CDH26: variants seen among roughly 807,000 people sequenced by gnomAD.
CDH26 encodes cadherin 26, also known as cadherin-like protein 26.
In CDH26, 83 loss-of-function variants were observed where a neutral mutation model predicts 90.3. The observed-to-expected ratio is 0.92, with a 90% CI of 0.77 to 1.10. The LOEUF (loss-of-function observed/expected upper bound fraction) is 1.10, where lower values mean the gene tolerates loss of function less well. Ranked by LOEUF, CDH26 falls within the 50% of genes least tolerant of loss-of-function variation. The pLI is 0.00. For synonymous variants in CDH26, 397 were observed against 396.3 expected (o/e 1.00, Z -0.02); for missense variants, 1,013 against 1,037.6 (o/e 0.98, Z 0.33).
chr20:60,035,378 C>A (rs1045926334), downstream of CDH26, among the ~76,000 whole-genome samples: 1 of 152,224 alleles, frequency 6.6e-6, no homozygotes, highest in African/African-American at 2.4e-5. Context: ...TGTTTTCCAA[C>A]ATTCCCACCA....
chr20:59,959,611 G>A (rs2061041666), intron 1 of CDH26, among the ~76,000 whole-genome samples: 2 of 152,088 alleles, frequency 1.3e-5, no homozygotes, highest in Non-Finnish European at 2.9e-5. Flanking sequence ...TGTTGGCCAG[G>A]CTGGTCTCAA....
intron 7 of CDH26, among the ~76,000 whole-genome samples, chr20:60,019,769 G>A (rs1203226037): frequency 1.3e-5 from 2 of 152,146 alleles, no homozygotes; most frequent in South Asian, 2.1e-4. Context: ...TTCCTTGCCT[G>A]TTTTGTGTTT....
chr20:59,996,850 C>T, intron 13 of CDH26, 89 bp downstream of exon 13: 5 of 1,526,460 alleles, frequency 3.3e-6, no homozygotes, highest in South Asian at 2.4e-5. Flanking sequence ...ATTGTGCCAC[C>T]TCTTAATTCT....
intron 12 of CDH26, 57 bp downstream of exon 12, chr20:59,996,111 C>A: frequency 6.4e-7 from 1 of 1,553,030 alleles, no homozygotes; most frequent in Non-Finnish European, 8.8e-7. Flanking sequence ...GGCAATAGGC[C>A]AGGGGTAAGG....
chr20:59,984,576 C>A, intron 5 of CDH26, 63 bp from the exon 6 acceptor site: 1 of 1,373,148 alleles, frequency 7.3e-7, no homozygotes, highest in Non-Finnish European at 1.0e-6. Flanking sequence ...AATAATTCAT[C>A]CTCTTACTGG....
intron 4 of CDH26, among the ~76,000 whole-genome samples, chr20:59,982,163 A>G (rs900018807): frequency 6.6e-6 from 1 of 152,092 alleles, no homozygotes; most frequent in African/African-American, 2.4e-5. Context: ...ATTTTCCCTC[A>G]TCAGTCCCCC....
At chr20:60,002,469 T>G (rs1319130357) in intron 15 of CDH26, among the ~76,000 whole-genome samples, 1 of 152,020 alleles carries the variant, frequency 6.6e-6, no homozygotes, top group Non-Finnish European at 1.5e-5. Context: ...CCCCCAACTT[T>G]CATCTTGCAC....
At chr20:59,965,472 A>G (rs558744745) in intron 1 of CDH26, among the ~76,000 whole-genome samples, 1 of 152,354 alleles carries the variant, frequency 6.6e-6, no homozygotes, top group Non-Finnish European at 1.5e-5. Context: ...TAAAAATAGC[A>G]CATATTTTGG....
chr20:59,959,149 G>A (rs1237316837), intron 1 of CDH26, among the ~76,000 whole-genome samples: 11 of 152,114 alleles, frequency 7.2e-5, no homozygotes, highest in Admixed American at 7.2e-4. Flanking sequence ...CATCCAGGCT[G>A]GAGTGCAGTG....
At position 59,992,312 on chromosome 20, in the gene CDH26, C is replaced by T. The variant is rs1416618922; in HGVS notation, c.1284-66C>T. The T allele has an allele frequency of 1.1e-5, 16 of 1,506,258 alleles. No homozygotes were observed. The highest frequency in any genetic ancestry group is 2.2e-5 in the Admixed American group (1 of 44,888). The allele number at this position is 1,506,258 out of a possible 1,614,324, so 93.3% of individuals were successfully genotyped here. ...CTATGACATATTTTGTTTTTTTATGCAACTTTTTTATCTTTTAATGTAAGT... is the reference window on the plus strand; with the variant it reads ...CTATGACATATTTTGTTTTTTTATGTAACTTTTTTATCTTTTAATGTAAGT... On this transcript the variant is annotated intron_variant, in intron 9 of 17. Coordinates refer to ENST00000348616, the MANE Select transcript of CDH26 (RefSeq NM_177980.4). This position sits in a 1 kb window ranked among gnomAD's most constrained non-coding sequence, Gnocchi z 5.0.
At chr20:59,959,363 G>T (rs1475700457) in intron 1 of CDH26, among the ~76,000 whole-genome samples, 1 of 151,046 alleles carries the variant, frequency 6.6e-6, no homozygotes, top group Non-Finnish European at 1.5e-5. Flanking sequence ...CCCTTCCGAA[G>T]TGTTGGGTTT....
In CDH26 at chr20:59,999,608, A is replaced by G. The variant is rs1441305310; in HGVS notation, c.2042A>G (p.Gln681Arg). Residue 681 changes from glutamine to arginine, a missense_variant, in exon 14 of 18, where the codon CAG becomes CGG. Coordinates refer to ENST00000348616, the MANE Select transcript of CDH26 (RefSeq NM_177980.4). Reference protein sequence around the residue: ...SAQTWSDVEGQRPALLICTAA... With the variant: ...SAQTWSDVEGRRPALLICTAA... ...CAGACATGGTCAGATGTTGAAGGCCAGAGGCCGGCTCTGCTCATCTGCACA... is the reference window on the plus strand; with the variant it reads ...CAGACATGGTCAGATGTTGAAGGCCGGAGGCCGGCTCTGCTCATCTGCACA... 2.5e-6 allele frequency: 4 copies of G among 1,614,062 alleles called. No individual in the cohort carries two copies. The highest frequency in any genetic ancestry group is 2.5e-6 in the Non-Finnish European group (3 of 1,180,014).
chr20:59,961,192 C>T (rs1024985126), intron 1 of CDH26, among the ~76,000 whole-genome samples: 2 of 152,146 alleles, frequency 1.3e-5, no homozygotes, highest in Non-Finnish European at 2.9e-5. Context: ...CTCACTCCTG[C>T]TCCTACCCAC....
intron 13 of CDH26, 114 bp downstream of exon 13, chr20:59,996,875 G>C: frequency 7.2e-7 from 1 of 1,382,232 alleles, no homozygotes; most frequent in Non-Finnish European, 9.9e-7. Context: ...TCTTACCCGT[G>C]TTTCAGTAGC....
In CDH26 at chr20:60,012,911, C is replaced by A. The variant is rs2061867299; in HGVS notation, c.*181C>A. Reference sequence around the variant, plus strand: ...ATATTCTCAGATCAGCCATCTTGAACCAAAGCAAAACCACAAGTTACACTT... The same window carrying A: ...ATATTCTCAGATCAGCCATCTTGAAACAAAGCAAAACCACAAGTTACACTT... On this transcript the variant is annotated 3_prime_UTR_variant, in exon 18 of 18. Transcript: ENST00000348616. 3.6e-6 allele frequency: 2 copies of A among 555,160 alleles called. No homozygotes were observed. Among genetic ancestry groups the A allele is most frequent in the African/African-American group, 1.9e-5 (1 of 52,346 alleles). The allele number at this position is 555,160 out of a possible 1,614,324, so 34.4% of individuals were successfully genotyped here. A position where few individuals can be genotyped will look rare whatever the true frequency, so the allele number is the denominator to read the frequency against.
At chr20:60,003,869 A>G (rs1371214186) in intron 16 of CDH26, among the ~76,000 whole-genome samples, 1 of 152,182 alleles carries the variant, frequency 6.6e-6, no homozygotes, top group East Asian at 1.9e-4. Context: ...GCAGCCATAC[A>G]TAGTGTGGGG....
chr20:60,031,346 T>A, exon 8 of CDH26: 5 of 1,291,368 alleles, frequency 3.9e-6, no homozygotes, highest in Non-Finnish European at 5.1e-6. Context: ...CCACGGAGAC[T>A]AACGCAGACT....
Position 59,994,240 on chromosome 20 carries a change from C to T in CDH26, c.1427-10C>T. 6.2e-7 allele frequency: 1 copy of T among 1,613,636 alleles called. No homozygotes were observed. The highest frequency in any genetic ancestry group is 1.1e-5 in the South Asian group (1 of 91,004). ...GATAAACAACTCCTGAAACTTCCTC[C>T]CCATACAAGGCTTCCCACCGCAGAC... is the stretch of plus-strand genomic sequence containing the variant. On this transcript the variant is annotated splice_polypyrimidine_tract_variant and intron_variant, in intron 10 of 17. Transcript: ENST00000348616.
chr20:60,002,131 A>G (rs950841001), intron 15 of CDH26, among the ~76,000 whole-genome samples: 2 of 152,226 alleles, frequency 1.3e-5, no homozygotes, highest in African/African-American at 4.8e-5. Context: ...CCATAGAATC[A>G]TATCCAATTT....
Sources: gnomAD v4.1 joint callset for allele counts (sites outside exome capture counted in the v4.1 genomes callset) on GRCh38, gnomAD v4.1.1 for gene constraint, Gnocchi (gnomAD v3.1) non-coding constraint, MANE v1.5 for transcripts, NCBI Gene and HGNC (gene_info 2026-07-23, HGNC 2026-07-21) for gene names.